HLTF: variants seen among roughly 807,000 people sequenced by gnomAD.
HLTF encodes DNA-dependent ATPase/E3 ubiquitin-protein ligase HLTF.
Under a neutral mutation model 129.4 loss-of-function variants are expected in HLTF, and 127 were observed. The observed-to-expected ratio is 0.98, with a 90% CI of 0.85 to 1.14. The LOEUF (loss-of-function observed/expected upper bound fraction) is 1.14. Among genes scored for constraint, HLTF ranks in the 50% most tolerant of loss-of-function variants. The pLI, the probability that HLTF is intolerant of heterozygous loss-of-function variation, is 0.00. For missense variants in HLTF, 1,139 were observed against 1,187.1 expected (o/e 0.96, Z 0.60); for synonymous variants, 332 against 388.8 (o/e 0.85, Z 1.72).
At chr3:149,068,613 T>G (rs1718599555) in intron 7 of HLTF, among the ~76,000 whole-genome samples, 1 of 152,202 alleles carries the variant, frequency 6.6e-6, no homozygotes, top group South Asian at 2.1e-4. Flanking sequence ...AATTCTACAT[T>G]TAATCCTGAA....
chr3:149,039,003 T>C lies in HLTF; in HGVS notation c.2796+46A>G, dbSNP rs186803978. On this transcript the variant is annotated intron_variant, in intron 23 of 24. Transcript: ENST00000310053. ...CCAAATAGTTTTTTGTCTTATTTTT[T>C]TGAAAGAAGTACTAAGATTCTGAAA... 689 of 1,153,780 alleles carry C rather than the reference T, an allele frequency of 6.0e-4. 3 individuals are homozygous for C. The highest frequency in any genetic ancestry group is 8.7e-5 in the Non-Finnish European group (73 of 842,944). The allele number at this position is 1,153,780 out of a possible 1,614,324, so 71.5% of individuals were successfully genotyped here.
At chr3:149,043,318 T>A (rs1716280150) in intron 18 of HLTF, among the ~76,000 whole-genome samples, 1 of 149,316 alleles carries the variant, frequency 6.7e-6, no homozygotes, top group Non-Finnish European at 1.5e-5. Flanking sequence ...ACTGAGAAAA[T>A]CAAAATTAAA....
At position 149,068,433 on chromosome 3, in the gene HLTF, T is replaced by A. The variant is rs547253830; in HGVS notation, c.895-98A>T. 7 of 594,594 alleles carry A rather than the reference T, an allele frequency of 1.2e-5. No individual in the cohort carries two copies. In the East Asian group the frequency reaches 1.9e-4, roughly 16 times the overall value. The allele number at this position is 594,594 out of a possible 1,614,324, so 36.8% of individuals were successfully genotyped here. On this transcript the variant is annotated intron_variant, in intron 7 of 24. Coordinates refer to ENST00000310053, the MANE Select transcript of HLTF (RefSeq NM_003071.4). Reference sequence around the variant, plus strand: ...AAATCAAGTAATCGAATATCAAATATCATTCAAGGTCACAAAAGTGTACTG... The same window carrying A: ...AAATCAAGTAATCGAATATCAAATAACATTCAAGGTCACAAAAGTGTACTG...
intron 2 of HLTF, 63 bp from the exon 3 acceptor site, chr3:149,076,110 T>C: frequency 1.6e-6 from 1 of 629,674 alleles, no homozygotes; most frequent in Non-Finnish European, 2.6e-6. Flanking sequence ...TTTGTTATAC[T>C]TTATCTGGGA....
At position 149,031,071 on chromosome 3, in the gene HLTF, T is replaced by G. The variant is rs1337366014; in HGVS notation, c.*1149A>C. 1 of 152,114 alleles carries G rather than the reference T, an allele frequency of 6.6e-6. No homozygotes were observed. Among genetic ancestry groups the G allele is most frequent in the Non-Finnish European group, 1.5e-5 (1 of 68,010 alleles). The allele number at this position is 152,114 out of a possible 1,614,324, so 9.4% of individuals were successfully genotyped here. ...AATAAAACCACCTACCTAATCTGAC[T>G]GCTAAATTTCTAGCTTCTTTGTTTT... On this transcript the variant is annotated 3_prime_UTR_variant, in exon 25 of 25. Transcript: ENST00000310053.
intron 10 of HLTF, chr3:149,063,005 T>C (rs941331897): frequency 6.6e-6 from 3 of 454,020 alleles, no homozygotes; most frequent in African/African-American, 4.0e-5. Flanking sequence ...AATAAAAGAA[T>C]GTATTTGAAA....
chr3:149,070,506 A>G (rs965760821), intron 7 of HLTF, among the ~76,000 whole-genome samples: 7 of 152,234 alleles, frequency 4.6e-5, no homozygotes, highest in Non-Finnish European at 1.0e-4. Flanking sequence ...TAATACTATA[A>G]CTACTGATAA....
Position 149,040,165 on chromosome 3 carries a change from G to C in HLTF, c.2377-9C>G. The C allele has an allele frequency of 6.2e-7, 1 of 1,600,908 alleles. No homozygotes were observed. The highest frequency in any genetic ancestry group is 8.5e-7 in the Non-Finnish European group (1 of 1,176,328). On this transcript the variant is annotated splice_polypyrimidine_tract_variant and intron_variant, in intron 20 of 24. Transcript: ENST00000310053. ...GGGCATTTAGCATGTGGCTATATAA[G>C]AAAGAACGAAGTATGAGCAACACTT... is the stretch of plus-strand genomic sequence containing the variant.
chr3:149,031,358 A>T lies in HLTF; in HGVS notation c.*862T>A, dbSNP rs1225486566. ...AGATATCACGCCTCTCACATATAGTAGTCTTCTGAATTATAAAAATTTATA... is the reference window on the plus strand; with the variant it reads ...AGATATCACGCCTCTCACATATAGTTGTCTTCTGAATTATAAAAATTTATA... On this transcript the variant is annotated 3_prime_UTR_variant, in exon 25 of 25. Transcript: ENST00000310053. The T allele has an allele frequency of 6.6e-6, 1 of 152,608 alleles. No individual in the cohort carries two copies. Among genetic ancestry groups the T allele is most frequent in the African/African-American group, 2.4e-5 (1 of 41,456 alleles). The allele number at this position is 152,608 out of a possible 1,614,324, so 9.5% of individuals were successfully genotyped here. A position where few individuals can be genotyped will look rare whatever the true frequency, so the allele number is the denominator to read the frequency against.
At chr3:149,075,801 G>T in intron 3 of HLTF, 80 bp downstream of exon 3, 1 of 846,306 alleles carries the variant, frequency 1.2e-6, no homozygotes, top group Non-Finnish European at 1.8e-6. Flanking sequence ...TACCTTTATA[G>T]GCTCTAACAA....
At chr3:149,073,565 G>A (rs1473892378) in intron 4 of HLTF, among the ~76,000 whole-genome samples, 2 of 152,068 alleles carry the variant, frequency 1.3e-5, no homozygotes, top group East Asian at 3.9e-4. Flanking sequence ...GTGATGGTGT[G>A]CGCCTGTAGT....
chr3:149,065,735 CAGG>C (rs1187585916), intron 8 of HLTF, among the ~76,000 whole-genome samples: 2 of 152,116 alleles, frequency 1.3e-5, no homozygotes, highest in African/African-American at 2.4e-5. Flanking sequence ...GAGGCTGAGG[CAGG>C]AGAATTGCTT....
intron 13 of HLTF, chr3:149,059,474 T>C: frequency 2.0e-6 from 1 of 492,060 alleles, no homozygotes; most frequent in African/African-American, 1.9e-5. Context: ...ATATCTCTGC[T>C]ATTCAGAGGA....
intron 19 of HLTF, 110 bp downstream of exon 19, chr3:149,042,056 C>A: frequency 2.1e-6 from 2 of 937,484 alleles, no homozygotes; most frequent in Non-Finnish European, 3.3e-6. Flanking sequence ...AAGCAATCTC[C>A]ATTTGACAGA....
intron 20 of HLTF, among the ~76,000 whole-genome samples, chr3:149,040,864 AT>A (rs1468399735): frequency 2.0e-5 from 3 of 152,076 alleles, no homozygotes; most frequent in East Asian, 1.9e-4. Context: ...GAATTTATAC[AT>A]TTTTTCTACA....
intron 9 of HLTF, 36 bp from the exon 10 acceptor site, chr3:149,063,560 T>G: frequency 8.0e-7 from 1 of 1,257,112 alleles, no homozygotes; most frequent in Non-Finnish European, 1.2e-6. Context: ...AAAGTATTAG[T>G]AAGGTGTCTT....
rs1004317925 is a variant in HLTF at position 149,031,026 on chromosome 3, G to C, written c.*1194C>G. ...TTGTTAGAGTAATTAATCTTTCTTT[G>C]GATTAAAGTTTCCCTTTGAAATAAA... On this transcript the variant is annotated 3_prime_UTR_variant, in exon 25 of 25. Transcript: ENST00000310053. 2 of 151,872 alleles carry C rather than the reference G, an allele frequency of 1.3e-5. No homozygotes were observed. Among genetic ancestry groups the C allele is most frequent in the Non-Finnish European group, 1.5e-5 (1 of 67,982 alleles). 9.4% of individuals were successfully genotyped at this position (151,872 alleles called of 1,614,324 possible). A position where few individuals can be genotyped will look rare whatever the true frequency, so the allele number is the denominator to read the frequency against.
intron 7 of HLTF, among the ~76,000 whole-genome samples, chr3:149,068,902 A>T (rs1367952146): frequency 2.0e-5 from 3 of 152,168 alleles, no homozygotes; most frequent in Non-Finnish European, 4.4e-5. Context: ...AAGCAGTGTA[A>T]ATAACAGCAG....
At position 149,040,146 on chromosome 3, in the gene HLTF, T is replaced by C; in HGVS notation, c.2387A>G (p.Lys796Arg). Reference sequence around the variant, plus strand: ...TATATCATTTCTGCATAAAGGGCATTTAGCATGTGGCTATATAAGAAAGAA... The same window carrying C: ...TATATCATTTCTGCATAAAGGGCATCTAGCATGTGGCTATATAAGAAAGAA... Reference protein sequence around the residue: ...QVIQNEQPHAKCPLCRNDIHE... With the variant: ...QVIQNEQPHARCPLCRNDIHE... Residue 796 changes from lysine (K) to arginine (R), a missense_variant, in exon 21 of 25, where the codon AAA (lysine) becomes AGA (arginine). Transcript: ENST00000310053. 2 of 1,607,218 alleles carry C rather than the reference T, an allele frequency of 1.2e-6. No individual in the cohort carries two copies.
Sources: allele counts gnomAD v4.1 joint callset (sites outside exome capture counted in the v4.1 genomes callset), GRCh38; gene constraint gnomAD v4.1.1; transcripts MANE v1.5; gene names NCBI Gene and HGNC (gene_info 2026-07-23, HGNC 2026-07-21).